Variants in EML1 observed in about 807,000 individuals in gnomAD.
The protein encoded by EML1 is EMAP like 1, also known as echinoderm microtubule-associated protein-like 1.
Under a neutral mutation model 110.4 loss-of-function variants are expected in EML1, and 27 were observed. The ratio of observed to expected loss-of-function variants is 0.24; its 90% confidence interval spans 0.18 to 0.34. EML1 has a LOEUF of 0.34. EML1 is among the 10% of genes least tolerant of loss of function. The pLI, the probability that EML1 is intolerant of heterozygous loss-of-function variation, is 1.00. For synonymous variants in EML1, 344 were observed against 385.8 expected, an observed-to-expected ratio of 0.89 and a Z score of 1.27; for missense variants, 741 against 1,030.9, an observed-to-expected ratio of 0.72 and a Z score of 3.85.
At chr14:99,793,308 TGCGGCGGCG>T (rs925967316), upstream of EML1, 82 of 976,420 alleles carry the variant, frequency 8.4e-5, no homozygotes, top group East Asian at 2.3e-4. Flanking sequence ...CTCGCGCGGC[TGCGGCGGCG>T]GCGGCGGGCC....
chr14:99,869,737 A>G (rs533364824), intron 3 of EML1, among the ~76,000 whole-genome samples: 1 of 152,268 alleles, frequency 6.6e-6, no homozygotes, highest in South Asian at 2.1e-4. Context: ...TAGATCCCTC[A>G]TGAACGTATT....
rs1390761226 is a variant in EML1, at chr14:99,754,563, T to G, written c.28+16703T>G. Reference sequence around the variant, plus strand: ...ATTTTGGTTCTCTGCTTTCAACTTCTGTTTGACTCAACTGTACAGCTGGAG... The same window carrying G: ...ATTTTGGTTCTCTGCTTTCAACTTCGGTTTGACTCAACTGTACAGCTGGAG... On this transcript the variant is annotated intron_variant, in intron 1 of 10. Coordinates refer to the EML1 transcript ENST00000554479. 2.0e-5 allele frequency among the ~76,000 whole-genome samples: 3 copies of G among 152,346 alleles called. No individual in the cohort carries two copies. The East Asian group carries it at 5.8e-4, about 29-fold the overall frequency.
At chr14:99,749,932 G>A (rs1001643637) in intron 1 of EML1, among the ~76,000 whole-genome samples, 9 of 152,226 alleles carry the variant, frequency 5.9e-5, no homozygotes, top group Admixed American at 3.9e-4. Flanking sequence ...GGGTGACATC[G>A]TGCTCCTTGG....
At chr14:99,790,059 G>C (rs528787448), upstream of EML1, among the ~76,000 whole-genome samples, 1 of 152,152 alleles carries the variant, frequency 6.6e-6, no homozygotes, top group African/African-American at 2.4e-5. Flanking sequence ...TTTAGAGTAA[G>C]ATTTTACCAC....
intron 1 of EML1, among the ~76,000 whole-genome samples, chr14:99,742,859 A>G (rs912565439): frequency 6.6e-6 from 1 of 152,090 alleles, no homozygotes; most frequent in African/African-American, 2.4e-5. Flanking sequence ...GACTCCTTTT[A>G]ACTCCTTATG....
intron 2 of EML1, among the ~76,000 whole-genome samples, chr14:99,858,248 G>A (rs1015725113): frequency 2.0e-5 from 3 of 150,088 alleles, no homozygotes; most frequent in South Asian, 2.1e-4. Context: ...ACAATGGTGC[G>A]ATCTCAGCTC....
chr14:99,876,964 T>C (rs1370532172), intron 3 of EML1, among the ~76,000 whole-genome samples: 2 of 152,298 alleles, frequency 1.3e-5, no homozygotes, highest in East Asian at 3.9e-4. Context: ...CGTGGACTAA[T>C]GATGTAGATT....
chr14:99,858,580 G>A (rs923777173), intron 2 of EML1, among the ~76,000 whole-genome samples: 7 of 152,202 alleles, frequency 4.6e-5, no homozygotes, highest in African/African-American at 1.4e-4. Flanking sequence ...TTTGCAAATT[G>A]TGCTGCAGTG....
rs1330088045 is a variant in EML1, at chr14:99,939,993, A to G, written c.2329A>G (p.Ser777Gly). ...CCCGTATCATTCCCTCCAGGCTCCA[A>G]GCCACATCTACGGCGGGCACAGCAG... ...SYPCSQFRAP[S>G]HIYGGHSSHV... The change falls in exon 22 of 22, where the codon AGC becomes GGC. Residue 777 changes from serine (S) to glycine (G), a missense_variant. This residue lies in a region of EML1 where 114 missense variants were observed against 122.5 expected (regional missense o/e 0.93). Coordinates refer to ENST00000262233, the MANE Select transcript of EML1 (RefSeq NM_004434.3). This position sits in a 1 kb window ranked among gnomAD's most constrained non-coding sequence, Gnocchi z 4.2. The G allele has an allele frequency of 9.5e-6, 15 of 1,586,552 alleles. No individual in the cohort carries two copies. Among genetic ancestry groups the G allele is most frequent in the Non-Finnish European group, 1.3e-5 (15 of 1,166,804 alleles).
Position 99,914,199 on chromosome 14 carries a change from A to T in EML1, c.1515A>T (p.Pro505=). The T allele has an allele frequency of 6.2e-7, 1 of 1,613,714 alleles. No homozygotes were observed. The highest frequency in any genetic ancestry group is 8.5e-7 in the Non-Finnish European group (1 of 1,179,616). ...TGCAGATTCCAGAACAGTTTGGTCC[A>T]ATACGGACAGTGGCCGAGGGGAAAG... ...RKTEIPEQFG[P]IRTVAEGKGD... is the part of the protein sequence containing the mutation. Residue 505 remains proline (P), a synonymous_variant, in exon 14 of 22, where the codon CCA becomes CCT. Coordinates refer to ENST00000262233, the MANE Select transcript of EML1 (RefSeq NM_004434.3).
intron 1 of EML1, among the ~76,000 whole-genome samples, chr14:99,753,300 CTT>C (rs2057202383): frequency 6.6e-6 from 1 of 151,002 alleles, no homozygotes; most frequent in Non-Finnish European, 1.5e-5. Flanking sequence ...TAACAAGACA[CTT>C]CAGGGGGAAG....
chr14:99,869,582 A>G (rs965805226), intron 3 of EML1, among the ~76,000 whole-genome samples: 1 of 152,240 alleles, frequency 6.6e-6, no homozygotes, highest in Non-Finnish European at 1.5e-5. Context: ...AAAGCTAGAC[A>G]TGATTCGGCT....
At chr14:99,779,233 G>A (rs1488965281) in intron 1 of EML1, among the ~76,000 whole-genome samples, 3 of 151,284 alleles carry the variant, frequency 2.0e-5, no homozygotes, top group African/African-American at 7.3e-5. Flanking sequence ...TGTCTTTTTT[G>A]TTCTATTTTT....
chr14:99,846,218 C>T (rs904529975), intron 1 of EML1, among the ~76,000 whole-genome samples: 10 of 150,252 alleles, frequency 6.7e-5, no homozygotes, highest in East Asian at 1.9e-4. Flanking sequence ...CATGTTTCTG[C>T]GTTTTTGTTT....
chr14:99,799,145 G>A (rs2057829572), intron 1 of EML1, among the ~76,000 whole-genome samples: 1 of 152,220 alleles, frequency 6.6e-6, no homozygotes, highest in South Asian at 2.1e-4. Flanking sequence ...AACTACAGCG[G>A]GTCGAGTCCA....
intron 1 of EML1, among the ~76,000 whole-genome samples, chr14:99,788,159 T>C (rs952160917): frequency 2.0e-5 from 3 of 152,192 alleles, no homozygotes; most frequent in African/African-American, 7.2e-5. Context: ...TTTTCCTCCT[T>C]ATTCCAGTCC....
intron 15 of EML1, chr14:99,915,297 A>T (rs1236298948): frequency 6.5e-6 from 1 of 153,696 alleles, no homozygotes; most frequent in African/African-American, 2.4e-5. Context: ...CTATACTCCC[A>T]GCTCCTTGGA....
chr14:99,882,432 C>CTCTATA (rs2059400527), intron 4 of EML1, among the ~76,000 whole-genome samples: 1 of 152,098 alleles, frequency 6.6e-6, no homozygotes, highest in South Asian at 2.1e-4. Flanking sequence ...GCTCTATAAG[C>CTCTATA]AAGACACTGT....
At chr14:99,812,925 G>T (rs183023957) in intron 1 of EML1, among the ~76,000 whole-genome samples, 5 of 152,276 alleles carry the variant, frequency 3.3e-5, no homozygotes, top group Non-Finnish European at 5.9e-5. Context: ...CTAACAAGCA[G>T]TGAGCAGGCA....
Sources: gnomAD v4.1 joint callset for allele counts (sites outside exome capture counted in the v4.1 genomes callset) on GRCh38, gnomAD v4.1.1 for gene constraint, gnomAD v4.1.1 regional missense constraint, Gnocchi (gnomAD v3.1) non-coding constraint, MANE v1.5 for transcripts, NCBI Gene and HGNC (gene_info 2026-07-23, HGNC 2026-07-21) for gene names.